Variants in APLF observed in about 807,000 individuals in gnomAD.
The protein encoded by APLF is aprataxin and PNK-like factor.
APLF carries 61 observed loss-of-function variants against 55.6 expected under a neutral mutation model. The observed-to-expected ratio is 1.10, with a 90% CI of 0.89 to 1.36. The LOEUF (loss-of-function observed/expected upper bound fraction) is 1.36. APLF is among the 40% of genes most tolerant of loss of function. The probability of loss-of-function intolerance (pLI) is 0.00; values close to 1 mark genes in which losing one functional copy is unlikely to be tolerated. For synonymous variants in APLF, 207 were observed against 214.8 expected, an observed-to-expected ratio of 0.96 and a Z score of 0.32; for missense variants, 611 against 602.5, an observed-to-expected ratio of 1.01 and a Z score of -0.15.
At chr2:68,512,967 C>A in intron 3 of APLF, 113 bp from the exon 4 acceptor site, 1 of 887,256 alleles carries the variant, frequency 1.1e-6, no homozygotes, top group Non-Finnish European at 1.7e-6. Context: ...CTATAATCTG[C>A]TTTTTTTGGT....
chr2:68,513,010 G>A, intron 3 of APLF, 70 bp from the exon 4 acceptor site: 1 of 1,411,408 alleles, frequency 7.1e-7, no homozygotes, highest in Non-Finnish European at 9.7e-7. Flanking sequence ...ACATAACTTA[G>A]ATGTAGTTCT....
chr2:68,482,319 A>G (rs1355978224), intron 1 of APLF, among the ~76,000 whole-genome samples: 1 of 152,070 alleles, frequency 6.6e-6, no homozygotes, highest in Admixed American at 6.5e-5. Context: ...CTGAGTGAGC[A>G]CAGTTGTATG....
chr2:68,569,947 G>C (rs567798604), intron 9 of APLF, among the ~76,000 whole-genome samples: 6 of 151,982 alleles, frequency 3.9e-5, no homozygotes, highest in African/African-American at 1.4e-4. Context: ...TGAATTTGAG[G>C]TGGGGGTATC....
intron 1 of APLF, among the ~76,000 whole-genome samples, chr2:68,471,514 G>T (rs949463538): frequency 6.6e-6 from 1 of 152,100 alleles, no homozygotes; most frequent in African/African-American, 2.4e-5. Context: ...CTCACATGGG[G>T]ACTGGCGCCA....
At chr2:68,519,216 ATATT>A (rs1020250445) in intron 5 of APLF, among the ~76,000 whole-genome samples, 2 of 140,240 alleles carry the variant, frequency 1.4e-5, no homozygotes, top group East Asian at 2.0e-4. Context: ...TATATTATCT[ATATT>A]TATTACATAA....
At chr2:68,517,299 A>C (rs1387896651) in intron 5 of APLF, among the ~76,000 whole-genome samples, 2 of 123,234 alleles carry the variant, frequency 1.6e-5, no homozygotes, top group African/African-American at 6.7e-5. Flanking sequence ...AATATATGTC[A>C]TTACTATATA....
chr2:68,485,232 T>C (rs1479518820), intron 1 of APLF, among the ~76,000 whole-genome samples: 4 of 152,220 alleles, frequency 2.6e-5, no homozygotes, highest in Non-Finnish European at 5.9e-5. Context: ...TAAATTTTTT[T>C]TAATTTAATC....
intron 1 of APLF, 23 bp from the exon 2 acceptor site, chr2:68,490,167 C>CT: frequency 6.5e-7 from 1 of 1,549,666 alleles, no homozygotes; most frequent in Non-Finnish European, 8.7e-7. Context: ...TATTCTTAAT[C>CT]TTTTAATTTT....
At chr2:68,504,293 C>T (rs1379096392) in intron 3 of APLF, among the ~76,000 whole-genome samples, 1 of 151,758 alleles carries the variant, frequency 6.6e-6, no homozygotes, top group African/African-American at 2.4e-5. Context: ...ATATACTTCC[C>T]AACTCATTTT....
chr2:68,518,983 TACA>T (rs1406854997), intron 5 of APLF, among the ~76,000 whole-genome samples: 1 of 123,196 alleles, frequency 8.1e-6, no homozygotes, highest in African/African-American at 3.3e-5. Flanking sequence ...GCTATTAATA[TACA>T]ATATCTGATA....
At chr2:68,511,587 A>G (rs955824400) in intron 3 of APLF, among the ~76,000 whole-genome samples, 1 of 151,762 alleles carries the variant, frequency 6.6e-6, no homozygotes, top group African/African-American at 2.4e-5. Flanking sequence ...AATTCCTAAT[A>G]CTATAAATTG....
At chr2:68,469,633 G>A (rs191992285) in intron 1 of APLF, among the ~76,000 whole-genome samples, 1 of 152,130 alleles carries the variant, frequency 6.6e-6, no homozygotes, top group African/African-American at 2.4e-5. Context: ...CAAACAAATC[G>A]CCTTGTAGTT....
chr2:68,548,877 C>T (rs187321037), intron 8 of APLF, among the ~76,000 whole-genome samples: 7 of 152,052 alleles, frequency 4.6e-5, no homozygotes, highest in Admixed American at 2.0e-4. Flanking sequence ...TTTCATCAAT[C>T]CCCAAACCAC....
intron 2 of APLF, 118 bp downstream of exon 2, chr2:68,490,379 T>C: frequency 1.5e-6 from 1 of 649,370 alleles, no homozygotes; most frequent in Non-Finnish European, 2.4e-6. Context: ...AATATACCCT[T>C]CTCATTGCCA....
At chr2:68,517,180 T>A (rs1356528505) in intron 5 of APLF, among the ~76,000 whole-genome samples, 7 of 125,930 alleles carry the variant, frequency 5.6e-5, no homozygotes, top group African/African-American at 1.9e-4. Flanking sequence ...TATATAATAA[T>A]GTTATTGATA....
chr2:68,511,618 A>G (rs953763181), intron 3 of APLF, among the ~76,000 whole-genome samples: 2 of 151,732 alleles, frequency 1.3e-5, no homozygotes, highest in Non-Finnish European at 3.0e-5. Flanking sequence ...TCAAACTACT[A>G]TTGAATGTTT....
In APLF at chr2:68,538,064, G is replaced by C. The variant is rs200295484; in HGVS notation, c.997G>C (p.Gly333Arg). The change falls in exon 7 of 10, where the codon GGC becomes CGC. Residue 333 changes from glycine to arginine, a missense_variant. Gly to Arg is a moderately radical substitution (Grantham distance 125). Coordinates refer to ENST00000303795, the MANE Select transcript of APLF (RefSeq NM_173545.3). ...TTCTGAAAATTGTTCGAGTGCCCAGGGCGACTCACTTCAGGATGAGTCTCA... is the reference window on the plus strand; with the variant it reads ...TTCTGAAAATTGTTCGAGTGCCCAGCGCGACTCACTTCAGGATGAGTCTCA... ...SCSENCSSAQ[G>R]DSLQDESQGS... The C allele has an allele frequency of 2.5e-5, 41 of 1,614,074 alleles. No individual in the cohort carries two copies. The Middle Eastern group carries it at 1.3e-3, about 52-fold the overall frequency.
At chr2:68,477,400 G>A (rs991152548) in intron 1 of APLF, among the ~76,000 whole-genome samples, 1 of 152,144 alleles carries the variant, frequency 6.6e-6, no homozygotes, top group African/African-American at 2.4e-5. Flanking sequence ...TTGGGAGGCT[G>A]AGGTGGGAGG....
intron 9 of APLF, among the ~76,000 whole-genome samples, chr2:68,570,559 T>C (rs1158843769): frequency 1.3e-5 from 2 of 152,016 alleles, no homozygotes; most frequent in East Asian, 1.9e-4. Flanking sequence ...TTTTTTGTCC[T>C]TGCGATAGTT....
Sources: allele counts gnomAD v4.1 joint callset (sites outside exome capture counted in the v4.1 genomes callset), GRCh38; gene constraint gnomAD v4.1.1; transcripts MANE v1.5; gene names NCBI Gene and HGNC (gene_info 2026-07-23, HGNC 2026-07-21).